The following CETN3 variants were observed in gnomAD, a reference collection of about 807,000 sequenced individuals.
CETN3 encodes the protein centrin 3.
A neutral mutation model predicts 20.1 loss-of-function variants in CETN3; 17 were observed. The ratio of observed to expected loss-of-function variants is 0.85; its 90% CI spans 0.58 to 1.27. The LOEUF is 1.27. Ranked by LOEUF, CETN3 falls within the 50% of genes most tolerant of loss-of-function variation. CETN3 has a pLI of 0.00. For synonymous variants in CETN3, 52 were observed against 59.7 expected, an observed-to-expected ratio of 0.87 and a Z score of 0.59; for missense variants, 169 against 191.2, an observed-to-expected ratio of 0.88 and a Z score of 0.69.
intron 4 of CETN3, among the ~76,000 whole-genome samples, chr5:90,395,007 T>G (rs1402656601): frequency 6.6e-6 from 1 of 152,172 alleles, no homozygotes; most frequent in African/African-American, 2.4e-5. Flanking sequence ...AAATTATGAA[T>G]GATAATTTTG....
At chr5:90,399,603 T>G in intron 3 of CETN3, 54 bp from the exon 4 acceptor site, 1 of 1,363,570 alleles carries the variant, frequency 7.3e-7, no homozygotes, top group Non-Finnish European at 1.0e-6. Flanking sequence ...ACAAAGGCAT[T>G]CATTTGTGAA....
At chr5:90,404,863 T>C (rs1749392592) in intron 3 of CETN3, among the ~76,000 whole-genome samples, 1 of 149,644 alleles carries the variant, frequency 6.7e-6, no homozygotes, top group African/African-American at 2.5e-5. Flanking sequence ...ACCCATTGGT[T>C]TAGAGAAAAA....
chr5:90,396,227 C>T, intron 4 of CETN3: 1 of 985,114 alleles, frequency 1.0e-6, no homozygotes, highest in Non-Finnish European at 1.2e-6. Context: ...AAAAATGCAC[C>T]CTCCAGAAGC....
In CETN3 at chr5:90,392,546, G is replaced by C. The variant is rs1288653688; in HGVS notation, c.*1518C>G. On this transcript the variant is annotated 3_prime_UTR_variant, in exon 5 of 5. Transcript: ENST00000283122. ...GGTGATTAGATGTCCTCACAATAGT[G>C]AGTTCTCATGAGATCTGGTGGTTTC... is the stretch of plus-strand genomic sequence containing the variant. The C allele has an allele frequency of 6.6e-6, 1 of 152,158 alleles. No individual in the cohort carries two copies. Among genetic ancestry groups the C allele is most frequent in the Non-Finnish European group, 1.5e-5 (1 of 68,032 alleles). 9.4% of individuals were successfully genotyped at this position (152,158 alleles called of 1,614,324 possible). A position where few individuals can be genotyped will look rare whatever the true frequency, so the allele number is the denominator to read the frequency against.
rs556297391 is a variant in CETN3 at position 90,402,578 on chromosome 5, A to G, written c.269-3029T>C. On this transcript the variant is annotated intron_variant, in intron 3 of 4. Transcript: ENST00000283122. ...TAAATTTAAAATCTCCTCTGCAAAGACTTCAATTCCTCTAGATCAGGGATT... is the reference window on the plus strand; with the variant it reads ...TAAATTTAAAATCTCCTCTGCAAAGGCTTCAATTCCTCTAGATCAGGGATT... Among the ~76,000 whole-genome samples, 623 of 152,298 alleles carry G rather than the reference A, an allele frequency of 4.1e-3. 1 individual carries two copies. The highest frequency in any genetic ancestry group is 7.1e-3 in the Non-Finnish European group (480 of 68,028).
intron 1 of CETN3, 43 bp downstream of exon 1, chr5:90,409,602 C>T (rs199598752): frequency 1.7e-5 from 28 of 1,612,610 alleles, no homozygotes; most frequent in Middle Eastern, 1.7e-4. Flanking sequence ...CCCTGGGCCC[C>T]GCTCCGGGGT....
intron 4 of CETN3, chr5:90,396,337 C>T: frequency 3.0e-6 from 3 of 984,872 alleles, no homozygotes; most frequent in Non-Finnish European, 3.6e-6. Flanking sequence ...ATACTCCAAA[C>T]TACTTTCAAG....
chr5:90,400,494 T>C (rs1423537872), intron 3 of CETN3, among the ~76,000 whole-genome samples: 1 of 151,698 alleles, frequency 6.6e-6, no homozygotes, highest in African/African-American at 2.4e-5. Context: ...TCTGAAGTAA[T>C]TATATACACT....
intron 3 of CETN3, among the ~76,000 whole-genome samples, chr5:90,405,184 G>A (rs1201094267): frequency 1.3e-5 from 2 of 152,090 alleles, no homozygotes; most frequent in Non-Finnish European, 2.9e-5. Context: ...TCCAGAGGAT[G>A]TAGCCTCTCA....
chr5:90,394,131 T>C (rs1466493854), intron 4 of CETN3, 24 bp from the exon 5 acceptor site: 1 of 1,449,266 alleles, frequency 6.9e-7, no homozygotes. Flanking sequence ...GAAAATGAAA[T>C]AGTCAGAAAT....
In CETN3 at chr5:90,394,059, A is replaced by G; in HGVS notation, c.*5T>C. ...AACATTCTTAGTGTTTATCCTTGTAATTCTTTAAATGTCACCAGTCATAAT... is the reference window on the plus strand; with the variant it reads ...AACATTCTTAGTGTTTATCCTTGTAGTTCTTTAAATGTCACCAGTCATAAT... On this transcript the variant is annotated 3_prime_UTR_variant, in exon 5 of 5. Coordinates refer to ENST00000283122, the MANE Select transcript of CETN3 (RefSeq NM_004365.4). 1 of 1,534,252 alleles carries G rather than the reference A, an allele frequency of 6.5e-7. No individual in the cohort carries two copies. Among genetic ancestry groups the G allele is most frequent in the Non-Finnish European group, 9.0e-7 (1 of 1,116,068 alleles).
intron 4 of CETN3, chr5:90,395,949 T>G (rs1237622988): frequency 1.1e-6 from 1 of 925,758 alleles, no homozygotes; most frequent in East Asian, 1.2e-4. Flanking sequence ...GTTTTTATAC[T>G]TGAAACAGAA....
At chr5:90,394,785 G>T (rs1339753627) in intron 4 of CETN3, among the ~76,000 whole-genome samples, 1 of 151,802 alleles carries the variant, frequency 6.6e-6, no homozygotes, top group Non-Finnish European at 1.5e-5. Flanking sequence ...TTTTTAGTTT[G>T]CCAAAATTAT....
At chr5:90,403,835 C>T (rs1749364814) in intron 3 of CETN3, among the ~76,000 whole-genome samples, 1 of 132,494 alleles carries the variant, frequency 7.5e-6, no homozygotes, top group Admixed American at 8.3e-5. Flanking sequence ...CCCGCCACTG[C>T]ACTCCAGCCT....
chr5:90,399,426 C>G lies in CETN3; in HGVS notation c.392G>C (p.Gly131Ala). Residue 131 changes from glycine to alanine, a missense_variant, in exon 4 of 5, where the codon GGT becomes GCT. Transcript: ENST00000283122. Reference protein sequence around the residue: ...RNLRRVARELGENMSDEELRA... With the variant: ...RNLRRVARELAENMSDEELRA... ...AAGTTCTTCATCACTCATGTTTTCA[C>G]CCAATTCTCTAGCAACACGTCGCAA... 6.2e-7 allele frequency: 1 copy of G among 1,614,052 alleles called. No homozygotes were observed. Among genetic ancestry groups the G allele is most frequent in the Non-Finnish European group, 8.5e-7 (1 of 1,179,974 alleles).
At chr5:90,407,006 C>T (rs571330688) in intron 2 of CETN3, among the ~76,000 whole-genome samples, 4 of 152,036 alleles carry the variant, frequency 2.6e-5, no homozygotes, top group African/African-American at 9.6e-5. Flanking sequence ...AAATCCCTTA[C>T]GAAATTACAA....
chr5:90,406,602 A>C (rs1483184310), intron 2 of CETN3, among the ~76,000 whole-genome samples: 1 of 151,946 alleles, frequency 6.6e-6, no homozygotes, highest in Non-Finnish European at 1.5e-5. Flanking sequence ...TTCAGTAGAA[A>C]GCAAAGGAAT....
intron 2 of CETN3, among the ~76,000 whole-genome samples, chr5:90,407,221 A>G (rs889468156): frequency 1.3e-5 from 2 of 152,140 alleles, no homozygotes; most frequent in Admixed American, 1.3e-4. Flanking sequence ...ATTTTTACCT[A>G]TTAGCATGTG....
chr5:90,399,174 A>T lies in CETN3; in HGVS notation c.460+184T>A, dbSNP rs1462720114. 1.1e-5 allele frequency: 7 copies of T among 616,282 alleles called. 1 individual carries two copies. Among genetic ancestry groups the T allele is most frequent in the African/African-American group, 9.2e-5 (5 of 54,298 alleles). The allele number at this position is 616,282 out of a possible 1,614,324, so 38.2% of individuals were successfully genotyped here. A position where few individuals can be genotyped will look rare whatever the true frequency, so the allele number is the denominator to read the frequency against. The stretch of plus-strand genomic sequence containing the variant: ...AGAGAAAAGTGAAGGACCTTCTTGA[A>T]GTATAATTGGTTTTAGAGATCTGCT... On this transcript the variant is annotated intron_variant, in intron 4 of 4. Coordinates refer to ENST00000283122, the MANE Select transcript of CETN3 (RefSeq NM_004365.4).
Sources: gnomAD v4.1 joint callset for allele counts (sites outside exome capture counted in the v4.1 genomes callset) on GRCh38, gnomAD v4.1.1 for gene constraint, MANE v1.5 for transcripts, NCBI Gene and HGNC (gene_info 2026-07-23, HGNC 2026-07-21) for gene names.